Variants in AKAP9 observed in about 807,000 individuals in gnomAD.
The protein encoded by AKAP9 is A-kinase anchor protein 9.
AKAP9 carries 311 observed loss-of-function variants against 488.5 expected under a neutral mutation model. The observed-to-expected ratio is 0.64, with a 90% CI of 0.58 to 0.70. The LOEUF is 0.70. AKAP9 is among the 30% of genes least tolerant of loss of function. The pLI is 0.00. For synonymous variants in AKAP9, 1,462 were observed against 1,483.5 expected (o/e 0.99, Z 0.33); for missense variants, 4,215 against 4,374.5 (o/e 0.96, Z 1.03).
intron 43 of AKAP9, among the ~76,000 whole-genome samples, chr7:92,099,395 G>A (rs1817157508): frequency 6.6e-6 from 1 of 152,024 alleles, no homozygotes; most frequent in Non-Finnish European, 1.5e-5. Context: ...CAAGCCTTTC[G>A]TGACTCTCCA....
At chr7:91,997,359 T>G (rs542884384) in intron 7 of AKAP9, among the ~76,000 whole-genome samples, 3 of 152,178 alleles carry the variant, frequency 2.0e-5, no homozygotes, top group Non-Finnish European at 4.4e-5. Context: ...GAGAAGAGAT[T>G]CAGGGTAAGC....
In AKAP9 at chr7:92,022,809, C is replaced by T. The variant is rs2130731737; in HGVS notation, c.3953-5C>T. The T allele has an allele frequency of 7.1e-6, 11 of 1,558,258 alleles. No homozygotes were observed. The highest frequency in any genetic ancestry group is 9.7e-6 in the Non-Finnish European group (11 of 1,132,298). On this transcript the variant is annotated splice_polypyrimidine_tract_variant and splice_region_variant and intron_variant, in intron 13 of 49. Coordinates refer to ENST00000356239, the MANE Select transcript of AKAP9 (RefSeq NM_005751.5). ...GTGCATTTTTTGTCTCTTTATATAACATAGATGTCAATCATAAAAGCAAGT... is the reference window on the plus strand; with the variant it reads ...GTGCATTTTTTGTCTCTTTATATAATATAGATGTCAATCATAAAAGCAAGT...
chr7:91,988,470 CAAAAAG>C (rs780598832), intron 3 of AKAP9, among the ~76,000 whole-genome samples: 14 of 151,772 alleles, frequency 9.2e-5, no homozygotes, highest in Non-Finnish European at 1.9e-4. Context: ...GACCTTGTCT[CAAAAAG>C]AGAAAGAGAG....
rs1817590359 is a variant in AKAP9 at position 92,102,048 on chromosome 7, T to G, written c.11098-546T>G. Among the ~76,000 whole-genome samples, 5 of 151,902 alleles carry G rather than the reference T, an allele frequency of 3.3e-5. No homozygotes were observed. In the South Asian group the frequency reaches 1.0e-3, roughly 32 times the overall value. ...GTGGGCGCCTGTAATCCCAGCCACTTGGAAGGCTGAGGCAGGAGAATTGCT... is the reference window on the plus strand; with the variant it reads ...GTGGGCGCCTGTAATCCCAGCCACTGGGAAGGCTGAGGCAGGAGAATTGCT... On this transcript the variant is annotated intron_variant, in intron 45 of 49. Coordinates refer to ENST00000356239, the MANE Select transcript of AKAP9 (RefSeq NM_005751.5).
At chr7:92,102,514 A>C in intron 45 of AKAP9, 80 bp from the exon 46 acceptor site, 1 of 1,173,800 alleles carries the variant, frequency 8.5e-7, no homozygotes, top group Non-Finnish European at 1.3e-6. Flanking sequence ...ACTACTTGTT[A>C]AAATCTAGGT....
intron 1 of AKAP9, among the ~76,000 whole-genome samples, chr7:91,966,153 T>C (rs1042914831): frequency 2.0e-5 from 3 of 152,126 alleles, no homozygotes; most frequent in African/African-American, 7.2e-5. Context: ...CGGCCTCCCA[T>C]GGTGCTGTGC....
Position 92,083,222 on chromosome 7 carries a change from A to T in AKAP9, c.8213A>T (p.Asp2738Val). The T allele has an allele frequency of 6.2e-7, 1 of 1,614,090 alleles. No individual in the cohort carries two copies. Among genetic ancestry groups the T allele is most frequent in the Non-Finnish European group, 8.5e-7 (1 of 1,179,990 alleles). ...SLQKDLSQVRDHLAEAKEKLS... is the reference protein window; with the variant it reads ...SLQKDLSQVRVHLAEAKEKLS... ...CAGAAAGACTTAAGCCAAGTTAGGG[A>T]TCACCTCGCAGAGGCAAAAGAGAAA... Residue 2738 changes from aspartate to valine, a missense_variant, in exon 33 of 50, where the codon GAT (aspartate) becomes GTT (valine). Physicochemically the swap from Asp to Val is radical, Grantham distance 152 (BLOSUM62 -3). Around this residue, in one of 5 missense-constraint regions of AKAP9, gnomAD observed 1,476 missense variants for 1,477.4 expected, o/e 1.00. Transcript: ENST00000356239.
chr7:92,000,877 TAAAG>T lies in AKAP9; in HGVS notation c.963_966del (p.Glu322LysfsTer12). On this transcript the variant is annotated frameshift_variant, in exon 8 of 50. Transcript: ENST00000356239. LOFTEE classifies it high-confidence loss of function. ...AAGATAAAAAAGTAGAAAACTCAAA[TAAAG>T]AAGAAATACAGGAAAAGGAGACAAT... 7.1e-7 allele frequency: 1 copy of T among 1,417,438 alleles called. No individual in the cohort carries two copies. 87.8% of individuals were successfully genotyped at this position (1,417,438 alleles called of 1,614,324 possible).
At chr7:91,950,358 C>G (rs1031409317) in intron 1 of AKAP9, among the ~76,000 whole-genome samples, 7 of 151,786 alleles carry the variant, frequency 4.6e-5, no homozygotes, top group Non-Finnish European at 1.0e-4. Context: ...GCCTCCCCAG[C>G]AGCTGGGACC....
chr7:91,971,048 G>A (rs1158386709), intron 1 of AKAP9, among the ~76,000 whole-genome samples: 2 of 152,268 alleles, frequency 1.3e-5, no homozygotes, highest in Non-Finnish European at 2.9e-5. Flanking sequence ...GACTCTCTAA[G>A]TGAACACATT....
rs754821410 is a variant in AKAP9, at chr7:92,105,665, G to A, written c.11331-13G>A. 6 of 1,607,548 alleles carry A rather than the reference G, an allele frequency of 3.7e-6. No individual in the cohort carries two copies. The South Asian group carries it at 5.5e-5, about 15-fold the overall frequency. On this transcript the variant is annotated splice_polypyrimidine_tract_variant and intron_variant, in intron 46 of 49. Transcript: ENST00000356239. ...AGATGGGCTGTGAAATTTTATCTTG[G>A]AATCTTTTTTAGAATGAAATTTTTG...
chr7:92,023,252 T>C (rs547597386), intron 14 of AKAP9, among the ~76,000 whole-genome samples: 2 of 152,342 alleles, frequency 1.3e-5, no homozygotes, highest in South Asian at 2.1e-4. Flanking sequence ...ATAAAGATGT[T>C]GGTTGTTGTT....
intron 22 of AKAP9, among the ~76,000 whole-genome samples, chr7:92,060,650 C>T (rs536624984): frequency 9.2e-5 from 14 of 152,072 alleles, no homozygotes; most frequent in Non-Finnish European, 1.6e-4. Context: ...CTGTATTCTA[C>T]GGTTTTGAAA....
chr7:92,028,295 TAAAAAAAAAAAAAAAAAA>T (rs57352733), intron 14 of AKAP9, among the ~76,000 whole-genome samples: 6 of 65,058 alleles, frequency 9.2e-5, no homozygotes. Context: ...CAATAAATAC[TAAAAAAAAAAAAAAAAAA>T]AAAAAAAAAA....
At chr7:91,995,248 G>A (rs1798245508) in intron 6 of AKAP9, among the ~76,000 whole-genome samples, 1 of 152,168 alleles carries the variant, frequency 6.6e-6, no homozygotes, top group Admixed American at 6.5e-5. Context: ...TTAGTGTAAG[G>A]ATTCAGGCTG....
At chr7:92,027,479 T>G (rs1169217868) in intron 14 of AKAP9, among the ~76,000 whole-genome samples, 1 of 136,010 alleles carries the variant, frequency 7.4e-6, no homozygotes, top group Non-Finnish European at 1.5e-5. Context: ...GCCCATCGTC[T>G]GGGAGGTGAG....
At chr7:91,941,652 T>C (rs1363995053) in intron 1 of AKAP9, among the ~76,000 whole-genome samples, 1 of 152,188 alleles carries the variant, frequency 6.6e-6, no homozygotes, top group Non-Finnish European at 1.5e-5. Context: ...GTGGCTTGTG[T>C]GTGCCACAAG....
chr7:91,962,920 C>T (rs1793898434), intron 1 of AKAP9, among the ~76,000 whole-genome samples: 1 of 151,660 alleles, frequency 6.6e-6, no homozygotes. Flanking sequence ...TTATGTATAC[C>T]CTAATTACAG....
In AKAP9 at chr7:92,079,293, A is replaced by G; in HGVS notation, c.7160A>G (p.Gln2387Arg). ...GAAGAAGCAGACAGTTTAAAACATC[A>G]ATTGGATGTGGTTATAGCTGAAAAG... is the stretch of plus-strand genomic sequence containing the variant. ...LSEEADSLKH[Q>R]LDVVIAEKLA... The change falls in exon 31 of 50, where the codon CAA becomes CGA. Residue 2387 changes from glutamine (Q) to arginine (R), a missense_variant. Physicochemically the swap from Gln to Arg is conservative, Grantham distance 43. Transcript: ENST00000356239. The G allele has an allele frequency of 6.2e-7, 1 of 1,614,100 alleles. No individual in the cohort carries two copies. The highest frequency in any genetic ancestry group is 1.1e-5 in the South Asian group (1 of 91,076).
Sources: gnomAD v4.1 joint callset for allele counts (sites outside exome capture counted in the v4.1 genomes callset) on GRCh38, gnomAD v4.1.1 for gene constraint, gnomAD v4.1.1 regional missense constraint, MANE v1.5 for transcripts, NCBI Gene and HGNC (gene_info 2026-07-23, HGNC 2026-07-21) for gene names.